RGS10: variants seen among roughly 807,000 people sequenced by gnomAD.
RGS10 encodes the protein regulator of G-protein signalling 10.
A neutral mutation model predicts 23.5 loss-of-function variants in RGS10; 11 were observed. That is an observed-to-expected ratio of 0.47 (90% CI 0.29 to 0.77). The LOEUF is 0.77. Ranked by LOEUF, RGS10 falls within the 30% of genes least tolerant of loss-of-function variation. RGS10 has a pLI of 0.08. For synonymous variants in RGS10, 77 were observed against 83.2 expected (o/e 0.92, Z 0.41); for missense variants, 180 against 226.3 (o/e 0.80, Z 1.31).
intron 4 of RGS10, among the ~76,000 whole-genome samples, chr10:119,507,741 T>C (rs1844031913): frequency 6.6e-6 from 1 of 152,034 alleles, no homozygotes; most frequent in African/African-American, 2.4e-5. Flanking sequence ...CATGCAACCA[T>C]GTCCGGCTAC....
intron 1 of RGS10, among the ~76,000 whole-genome samples, chr10:119,539,849 G>C (rs996949873): frequency 6.6e-6 from 1 of 152,030 alleles, no homozygotes; most frequent in Admixed American, 6.5e-5. Flanking sequence ...GGGGAGGCAG[G>C]ACCACAGCCA....
intron 3 of RGS10, among the ~76,000 whole-genome samples, chr10:119,525,237 C>G (rs1458541011): frequency 6.6e-6 from 1 of 152,130 alleles, no homozygotes; most frequent in African/African-American, 2.4e-5. Context: ...AGATCACCAT[C>G]AGTAAGCTGG....
intron 3 of RGS10, among the ~76,000 whole-genome samples, chr10:119,521,029 G>T (rs990228902): frequency 6.6e-6 from 1 of 152,104 alleles, no homozygotes; most frequent in Non-Finnish European, 1.5e-5. Context: ...AATGAACTCC[G>T]CCTCTGCCTC....
Position 119,542,669 on chromosome 10 carries a change from C to A in RGS10, c.-31G>T. The A allele has an allele frequency of 7.4e-7, 1 of 1,354,494 alleles. No individual in the cohort carries two copies. The highest frequency in any genetic ancestry group is 1.7e-5 in the South Asian group (1 of 58,074). The allele number at this position is 1,354,494 out of a possible 1,614,324, so 83.9% of individuals were successfully genotyped here. On this transcript the variant is annotated 5_prime_UTR_variant, in exon 1 of 5. Coordinates refer to ENST00000369103, the MANE Select transcript of RGS10 (RefSeq NM_001005339.2). ...CGGGCGCCCGAGGAGGAAGAAGGAG[C>A]AGCCCGGCGGCGCGGCGGCTGAGCC...
chr10:119,503,339 CAAAA>C (rs550253387), intron 4 of RGS10, among the ~76,000 whole-genome samples: 4 of 103,494 alleles, frequency 3.9e-5, no homozygotes, highest in Non-Finnish European at 6.2e-5. Context: ...GACCCTGTCT[CAAAA>C]AAAAAAAAAA....
intron 1 of RGS10, among the ~76,000 whole-genome samples, chr10:119,531,368 G>A (rs539194627): frequency 6.6e-6 from 1 of 152,140 alleles, no homozygotes; most frequent in Non-Finnish European, 1.5e-5. Context: ...CAAAACTCTT[G>A]ACATTCTTTT....
chr10:119,500,685 T>C (rs1260783479), intron 4 of RGS10, among the ~76,000 whole-genome samples: 1 of 150,894 alleles, frequency 6.6e-6, no homozygotes, highest in Non-Finnish European at 1.5e-5. Flanking sequence ...TATCATATGA[T>C]GCCAGCATTG....
intron 1 of RGS10, among the ~76,000 whole-genome samples, chr10:119,533,278 G>A (rs1203969619): frequency 6.6e-6 from 1 of 151,756 alleles, no homozygotes; most frequent in Non-Finnish European, 1.5e-5. Context: ...GTTGCAGTGA[G>A]CTGAGATTGC....
Position 119,501,650 on chromosome 10 carries a change from G to A in RGS10, c.400-1391C>T, listed in dbSNP as rs147176329. Among the ~76,000 whole-genome samples, 218 of 152,152 alleles carry A rather than the reference G, an allele frequency of 1.4e-3. 1 individual carries two copies. The highest frequency in any genetic ancestry group is 4.8e-3 in the African/African-American group (200 of 41,502). On this transcript the variant is annotated intron_variant, in intron 4 of 4. Coordinates refer to ENST00000369103, the MANE Select transcript of RGS10 (RefSeq NM_001005339.2). The stretch of plus-strand genomic sequence containing the variant: ...AGGCCAAAGAATCACTTGAACCCAG[G>A]AGGCAAAGGCTGCAGTGAGCTGAGA...
At chr10:119,501,206 C>T (rs1288229638) in intron 4 of RGS10, among the ~76,000 whole-genome samples, 1 of 152,072 alleles carries the variant, frequency 6.6e-6, no homozygotes, top group African/African-American at 2.4e-5. Flanking sequence ...CTCTTTCCCA[C>T]CCCTCATTTC....
chr10:119,506,319 C>T (rs1844011783), intron 4 of RGS10, among the ~76,000 whole-genome samples: 1 of 152,220 alleles, frequency 6.6e-6, no homozygotes, highest in African/African-American at 2.4e-5. Flanking sequence ...CAGCCCTTGC[C>T]CCAGAGCGCC....
chr10:119,534,155 C>T (rs1229978184), intron 1 of RGS10, among the ~76,000 whole-genome samples: 2 of 151,784 alleles, frequency 1.3e-5, no homozygotes, highest in Admixed American at 1.3e-4. Context: ...ACACGGGAGG[C>T]TGAGACAGGA....
At chr10:119,530,119 C>T (rs1292982090) in intron 1 of RGS10, among the ~76,000 whole-genome samples, 6 of 152,150 alleles carry the variant, frequency 3.9e-5, no homozygotes, top group African/African-American at 1.4e-4. Flanking sequence ...TAAATCAGCA[C>T]AGCAAACCAC....
Position 119,542,649 on chromosome 10 carries a change from GCC to G in RGS10, c.-13_-12del. The G allele has an allele frequency of 7.2e-7, 1 of 1,390,218 alleles. No individual in the cohort carries two copies. Among genetic ancestry groups the G allele is most frequent in the South Asian group, 1.5e-5 (1 of 65,718 alleles). 86.1% of individuals were successfully genotyped at this position (1,390,218 alleles called of 1,614,324 possible). A position where few individuals can be genotyped will look rare whatever the true frequency, so the allele number is the denominator to read the frequency against. On this transcript the variant is annotated 5_prime_UTR_variant, in exon 1 of 5. Transcript: ENST00000369103. ...GGCGCGGTTGAACATCGCCGCGGGC[GCC>G]CGAGGAGGAAGAAGGAGCAGCCCGG... is the stretch of plus-strand genomic sequence containing the variant.
At chr10:119,523,307 G>C (rs1263933505) in intron 3 of RGS10, among the ~76,000 whole-genome samples, 1 of 152,164 alleles carries the variant, frequency 6.6e-6, no homozygotes, top group Non-Finnish European at 1.5e-5. Flanking sequence ...ACAGGAGGGT[G>C]GCATTCATTG....
chr10:119,520,177 C>T (rs1188695265), intron 3 of RGS10, among the ~76,000 whole-genome samples: 2 of 152,178 alleles, frequency 1.3e-5, no homozygotes, highest in Non-Finnish European at 2.9e-5. Flanking sequence ...ACTAACTTTA[C>T]TAACATCAAT....
chr10:119,506,507 G>C (rs545486835), intron 4 of RGS10, among the ~76,000 whole-genome samples: 12 of 152,250 alleles, frequency 7.9e-5, no homozygotes, highest in Non-Finnish European at 1.3e-4. Flanking sequence ...ACGGGTTCAC[G>C]CGTGTGGCGG....
chr10:119,527,156 T>C lies in RGS10; in HGVS notation c.168+150A>G. 1 of 578,142 alleles carries C rather than the reference T, an allele frequency of 1.7e-6. No homozygotes were observed. Among genetic ancestry groups the C allele is most frequent in the Admixed American group, 3.2e-5 (1 of 31,670 alleles). 35.8% of individuals were successfully genotyped at this position (578,142 alleles called of 1,614,324 possible). The stretch of plus-strand genomic sequence containing the variant: ...CATGACAGATGAGAAAGTCTCACCC[T>C]CAAGCTGGGATAGACAGTACTGAAC... On this transcript the variant is annotated intron_variant, in intron 2 of 4. Coordinates refer to ENST00000369103, the MANE Select transcript of RGS10 (RefSeq NM_001005339.2). This position sits in a 1 kb window ranked among gnomAD's most constrained non-coding sequence, Gnocchi z 4.2.
chr10:119,506,381 C>T (rs1358194196), intron 4 of RGS10, among the ~76,000 whole-genome samples: 2 of 152,234 alleles, frequency 1.3e-5, no homozygotes, highest in African/African-American at 2.4e-5. Context: ...TCCAGCTTCA[C>T]GACAGACCAG....
Sources: allele counts gnomAD v4.1 joint callset (sites outside exome capture counted in the v4.1 genomes callset), GRCh38; gene constraint gnomAD v4.1.1; non-coding constraint Gnocchi (gnomAD v3.1); transcripts MANE v1.5; gene names NCBI Gene and HGNC (gene_info 2026-07-23, HGNC 2026-07-21).